The following SLC6A12 variants were observed in gnomAD, a reference collection of about 807,000 sequenced individuals.
SLC6A12 encodes the protein sodium- and chloride-dependent betaine transporter.
In SLC6A12, 50 loss-of-function variants were observed where a neutral mutation model predicts 73.3. The observed-to-expected ratio is 0.68, with a 90% confidence interval of 0.54 to 0.86. The LOEUF (loss-of-function observed/expected upper bound fraction) is 0.86. SLC6A12 is among the 40% of genes least tolerant of loss of function. The probability of loss-of-function intolerance (pLI) is 0.00; values close to 1 mark genes in which losing one functional copy is unlikely to be tolerated. For synonymous variants in SLC6A12, 304 were observed against 309.2 expected (o/e 0.98, Z 0.18); for missense variants, 648 against 772.8 (o/e 0.84, Z 1.92).
In SLC6A12 at chr12:196,798, A is replaced by G. The variant is rs1939890047; in HGVS notation, c.1160T>C (p.Met387Thr). The G allele has an allele frequency of 1.2e-6, 2 of 1,613,584 alleles. No individual in the cohort carries two copies. The highest frequency in any genetic ancestry group is 1.3e-5 in the African/African-American group (1 of 74,920). Residue 387 changes from methionine to threonine, a missense_variant, in exon 11 of 16, where the codon ATG becomes ACG. By Grantham distance (81) the Met-to-Thr change is moderately conservative. Transcript: ENST00000684302. ...GCTGTCCAGCCCTAGGAATATGAGC[A>G]TGATAAAGAACAGGCAGGACCACAG... ...SQLWSCLFFI[M>T]LIFLGLDSQF...
downstream of SLC6A12, among the ~76,000 whole-genome samples, chr12:189,904 C>T (rs560140949): frequency 2.6e-5 from 4 of 152,282 alleles, no homozygotes; most frequent in Admixed American, 2.6e-4. Flanking sequence ...AGGACAAGAA[C>T]AAAAGGATCT....
Position 196,869 on chromosome 12 carries a change from G to A in SLC6A12, c.1089C>T (p.Ala363=), listed in dbSNP as rs760282458. The A allele has an allele frequency of 1.7e-5, 27 of 1,613,440 alleles. No homozygotes were observed. The highest frequency in any genetic ancestry group is 2.1e-5 in the Non-Finnish European group (25 of 1,179,682). The part of the protein sequence containing the change: ...SEVAESGPGL[A]FIAFPKAVTM... ...TCACAGCCTTGGGGAAGGCGATGAA[G>A]GCCAGCCCAGGACCTGCCAGGTACA... Residue 363 remains alanine, a synonymous_variant, in exon 11 of 16, where the codon GCC becomes GCT. Transcript: ENST00000684302.
Position 195,287 on chromosome 12 carries a change from G to A in SLC6A12, c.1367C>T (p.Ser456Phe). The A allele has an allele frequency of 1.2e-6, 2 of 1,613,704 alleles. No individual in the cohort carries two copies. Among genetic ancestry groups the A allele is most frequent in the East Asian group, 4.5e-5 (2 of 44,880 alleles). Residue 456 changes from serine (S) to phenylalanine (F), a missense_variant, in exon 13 of 16, where the codon TCC becomes TTC. Physicochemically the swap from Ser to Phe is radical, Grantham distance 155. Coordinates refer to ENST00000684302, the MANE Select transcript of SLC6A12 (RefSeq NM_001122848.3). ...CAGGAACAGCAGGCATATGCCACTGGAAGCATAGTAGTCAAACAGCTGGAA... is the reference window on the plus strand; with the variant it reads ...CAGGAACAGCAGGCATATGCCACTGAAAGCATAGTAGTCAAACAGCTGGAA... Reference protein sequence around the residue: ...YIFQLFDYYASSGICLLFLSL... With the variant: ...YIFQLFDYYAFSGICLLFLSL...
At position 192,597 on chromosome 12, in the gene SLC6A12, C is replaced by A; in HGVS notation, c.1582G>T (p.Val528Phe). The A allele has an allele frequency of 1.9e-6, 3 of 1,614,006 alleles. No individual in the cohort carries two copies. Among genetic ancestry groups the A allele is most frequent in the Non-Finnish European group, 2.5e-6 (3 of 1,179,986 alleles). ...SKYTPLKYNNVYVYPPWGYSI... is the reference protein window; with the variant it reads ...SKYTPLKYNNFYVYPPWGYSI... ...TATCCCCAGGGCGGGTACACATAGA[C>A]GTTGTTGTACTTGAGGGGGGTGTAC... The change falls in exon 15 of 16, where the codon GTC becomes TTC. Residue 528 changes from valine to phenylalanine, a missense_variant. Coordinates refer to ENST00000684302, the MANE Select transcript of SLC6A12 (RefSeq NM_001122848.3).
intron 10 of SLC6A12, among the ~76,000 whole-genome samples, 188 bp from the exon 11 acceptor site, chr12:197,070 T>C (rs951473430): frequency 1.6e-5 from 2 of 124,038 alleles, no homozygotes; most frequent in East Asian, 2.4e-4. Flanking sequence ...TCCATCCATC[T>C]ACCCATCCAT....
chr12:185,228 G>A (rs542107488), downstream of SLC6A12, among the ~76,000 whole-genome samples: 162 of 152,346 alleles, frequency 1.1e-3, 1 homozygote, highest in Middle Eastern at 3.4e-3. Flanking sequence ...GGGTAAGGCC[G>A]CTCCCCCGGC....
chr12:191,278 G>T, intron 15 of SLC6A12, 67 bp from the exon 16 acceptor site: 1 of 1,237,118 alleles, frequency 8.1e-7, no homozygotes, highest in Non-Finnish European at 1.0e-6. Context: ...CCTCATGTGT[G>T]CAACCCCAGG....
downstream of SLC6A12, among the ~76,000 whole-genome samples, chr12:186,748 T>C (rs1293942900): frequency 6.6e-6 from 1 of 152,216 alleles, no homozygotes; most frequent in Non-Finnish European, 1.5e-5. Context: ...TCTATTGAGA[T>C]GTAGCTCTGA....
intron 4 of SLC6A12, chr12:204,335 C>T: frequency 1.9e-6 from 1 of 529,158 alleles, no homozygotes. Flanking sequence ...ACCAAACTGG[C>T]CTCCCCCACC....
intron 10 of SLC6A12, among the ~76,000 whole-genome samples, chr12:197,174 CAT>C (rs1939946187): frequency 8.3e-5 from 1 of 12,068 alleles, no homozygotes; most frequent in Non-Finnish European, 1.6e-4. Flanking sequence ...TCCATCCATC[CAT>C]CCATCCATCC....
At chr12:197,162 C>CATCTATCCATCT (rs1565469101) in intron 10 of SLC6A12, among the ~76,000 whole-genome samples, 193 of 4,478 alleles carry the variant, frequency 0.043, 2 homozygotes, top group South Asian at 0.17. Flanking sequence ...TCCATCCATC[C>CATCTATCCATCT]ATCCATCCAT....
At chr12:202,119 C>A (rs113742315) in intron 5 of SLC6A12, among the ~76,000 whole-genome samples, 1 of 152,160 alleles carries the variant, frequency 6.6e-6, no homozygotes, top group Non-Finnish European at 1.5e-5. Flanking sequence ...CCCTCATGGG[C>A]GGCTGGTACG....
chr12:191,077 G>A lies in SLC6A12; in HGVS notation c.1836C>T (p.Thr612=). 2 of 1,328,306 alleles carry A rather than the reference G, an allele frequency of 1.5e-6. No homozygotes were observed. Among genetic ancestry groups the A allele is most frequent in the Non-Finnish European group, 1.9e-6 (2 of 1,028,504 alleles). The allele number at this position is 1,328,306 out of a possible 1,614,324, so 82.3% of individuals were successfully genotyped here. The change falls in exon 16 of 16, where the codon ACC becomes ACT. Residue 612 remains threonine (T), a synonymous_variant. Coordinates refer to ENST00000684302, the MANE Select transcript of SLC6A12 (RefSeq NM_001122848.3). The stretch of plus-strand genomic sequence containing the variant: ...GGCCTCTGGCCACACCCTACAAATG[G>A]GTCTCCTTCTCCCCGGCTATCAGTC... ...REGLIAGEKE[T]HL
Position 196,839 on chromosome 12 carries a change from C to G in SLC6A12, c.1119G>C (p.Met373Ile). Residue 373 changes from methionine (M) to isoleucine (I), a missense_variant, in exon 11 of 16, where the codon ATG becomes ATC. Coordinates refer to ENST00000684302, the MANE Select transcript of SLC6A12 (RefSeq NM_001122848.3). Reference protein sequence around the residue: ...AFIAFPKAVTMMPLSQLWSCL... With the variant: ...AFIAFPKAVTIMPLSQLWSCL... Reference sequence around the variant, plus strand: ...AGGACCACAGCTGGGATAAGGGCATCATAGTCACAGCCTTGGGGAAGGCGA... The same window carrying G: ...AGGACCACAGCTGGGATAAGGGCATGATAGTCACAGCCTTGGGGAAGGCGA... 6.2e-7 allele frequency: 1 copy of G among 1,613,984 alleles called. No individual in the cohort carries two copies. Among genetic ancestry groups the G allele is most frequent in the Non-Finnish European group, 8.5e-7 (1 of 1,179,950 alleles).
At chr12:208,285 T>C (rs899661944) in intron 3 of SLC6A12, among the ~76,000 whole-genome samples, 2 of 152,110 alleles carry the variant, frequency 1.3e-5, no homozygotes, top group South Asian at 4.1e-4. Context: ...AGGGTCAGCC[T>C]CAGCACCAGA....
chr12:197,458 C>T lies in SLC6A12; in HGVS notation c.994G>A (p.Val332Met), dbSNP rs747692783. The T allele has an allele frequency of 8.1e-6, 13 of 1,613,860 alleles. No individual in the cohort carries two copies. The highest frequency in any genetic ancestry group is 6.7e-5 in the East Asian group (3 of 44,874). ...LCFLNSATSF[V>M]AGFVVFSILG... ...ATGGAGAAGACAACAAACCCAGCCA[C>T]AAAGCTGGTGGCACTGTTCAGGAAG... is the stretch of plus-strand genomic sequence containing the variant. Residue 332 changes from valine to methionine, a missense_variant, in exon 10 of 16, where the codon GTG becomes ATG. By Grantham distance (21) the Val-to-Met change is conservative. Transcript: ENST00000684302.
chr12:187,715 C>T (rs11610025), downstream of SLC6A12, among the ~76,000 whole-genome samples: 1 of 150,000 alleles, frequency 6.7e-6, no homozygotes. Flanking sequence ...CTTTTATTCT[C>T]TTACCTGGCC....
In SLC6A12 at chr12:204,774, C is replaced by T. The variant is rs1030741838; in HGVS notation, c.215-76G>A. 4 of 1,519,918 alleles carry T rather than the reference C, an allele frequency of 2.6e-6. No individual in the cohort carries two copies. The African/African-American group carries it at 5.5e-5, about 21-fold the overall frequency. The allele number at this position is 1,519,918 out of a possible 1,614,324, so 94.2% of individuals were successfully genotyped here. On this transcript the variant is annotated intron_variant, in intron 3 of 15. Transcript: ENST00000684302. ...CCTCCATCCTTTCAGACCCTCCTCC[C>T]CCAACAAACCCGCCCTCCACCATCC...
intron 1 of SLC6A12, among the ~76,000 whole-genome samples, chr12:212,966 C>T (rs920291845): frequency 2.0e-5 from 3 of 152,140 alleles, no homozygotes; most frequent in African/African-American, 4.8e-5. Context: ...ATTTCCACAC[C>T]GGGCTTGGTG....
Sources: allele counts gnomAD v4.1 joint callset (sites outside exome capture counted in the v4.1 genomes callset), GRCh38; gene constraint gnomAD v4.1.1; transcripts MANE v1.5; gene names NCBI Gene and HGNC (gene_info 2026-07-23, HGNC 2026-07-21).